GABBR2: variants seen among roughly 807,000 people sequenced by gnomAD.
GABBR2 encodes G-protein coupled receptor 51.
Under a neutral mutation model 105.6 loss-of-function variants are expected in GABBR2, and 23 were observed. The observed-to-expected ratio is 0.22, with a 90% CI of 0.16 to 0.31. The LOEUF (loss-of-function observed/expected upper bound fraction) is 0.31, where lower values mean the gene tolerates loss of function less well. GABBR2 is among the 10% of genes least tolerant of loss of function. GABBR2 has a pLI of 1.00. For synonymous variants in GABBR2, 478 were observed against 499.7 expected, an observed-to-expected ratio of 0.96 and a Z score of 0.58; for missense variants, 734 against 1,245.5, an observed-to-expected ratio of 0.59 and a Z score of 6.18.
rs368734231 is a variant in GABBR2 at position 98,496,440 on chromosome 9, A to G, written c.705T>C (p.Asp235=). The G allele has an allele frequency of 1.2e-6, 2 of 1,611,972 alleles. No individual in the cohort carries two copies. The highest frequency in any genetic ancestry group is 1.7e-6 in the Non-Finnish European group (2 of 1,178,356). ...TCAGCTTTTTGACACTGGTACAGGG[A>G]TCGTTGGAGAAGCTCTCGGTGTCTG... ...EISDTESFSN[D]PCTSVKKLKG... is the part of the protein sequence containing the mutation. The change falls in exon 4 of 19, where the codon GAT becomes GAC. Residue 235 remains aspartate (D), a synonymous_variant. Coordinates refer to ENST00000259455, the MANE Select transcript of GABBR2 (RefSeq NM_005458.8).
At position 98,306,832 on chromosome 9, in the gene GABBR2, C is replaced by G. The variant is rs887069495; in HGVS notation, c.2005-487G>C. ...GAGACTTCTATTGTCCCCAAGCACACACAGACACCCAGAATAGCGACTACA... is the reference window on the plus strand; with the variant it reads ...GAGACTTCTATTGTCCCCAAGCACAGACAGACACCCAGAATAGCGACTACA... On this transcript the variant is annotated intron_variant, in intron 14 of 18. Transcript: ENST00000259455. The surrounding 1 kb of genome is among the most constrained non-coding windows in gnomAD (Gnocchi z 5.4). 1.3e-5 allele frequency among the ~76,000 whole-genome samples: 2 copies of G among 152,200 alleles called. No homozygotes were observed. The highest frequency in any genetic ancestry group is 2.9e-5 in the Non-Finnish European group (2 of 68,040).
At chr9:98,478,626 G>A (rs971044616) in intron 5 of GABBR2, among the ~76,000 whole-genome samples, 31 of 152,160 alleles carry the variant, frequency 2.0e-4, no homozygotes, top group Admixed American at 2.0e-3. Context: ...GACAAGCCAG[G>A]GGGCTTTGGG....
rs144650505 is a variant in GABBR2 at position 98,635,655 on chromosome 9, A to C, written c.322-57583T>G. On this transcript the variant is annotated intron_variant, in intron 1 of 18. Transcript: ENST00000259455. ...TCTGTAGGTTGGGTCTTTAAGTCAG[A>C]TGTGACAATCTGAAAAAAATAGACA... Among the ~76,000 whole-genome samples the C allele has an allele frequency of 2.2e-3, 329 of 152,304 alleles. 1 individual carries two copies. Among genetic ancestry groups the C allele is most frequent in the Non-Finnish European group, 4.0e-3 (274 of 68,020 alleles).
At chr9:98,523,433 T>C (rs988072685) in intron 3 of GABBR2, among the ~76,000 whole-genome samples, 5 of 152,158 alleles carry the variant, frequency 3.3e-5, no homozygotes, top group Non-Finnish European at 7.4e-5. Flanking sequence ...GAGAAGCAAG[T>C]AGACCTCCCC....
At chr9:98,321,641 T>C (rs1439418561) in intron 13 of GABBR2, among the ~76,000 whole-genome samples, 1 of 151,986 alleles carries the variant, frequency 6.6e-6, no homozygotes, top group Non-Finnish European at 1.5e-5. Flanking sequence ...AGGCAGACGA[T>C]GGGGAGAATG....
intron 13 of GABBR2, among the ~76,000 whole-genome samples, chr9:98,357,395 C>T (rs553437185): frequency 9.9e-5 from 15 of 152,272 alleles, no homozygotes; most frequent in African/African-American, 2.4e-4. Flanking sequence ...TTCCTGTCAT[C>T]GCGGCACTTT....
At chr9:98,551,064 C>G (rs1184685128) in intron 2 of GABBR2, among the ~76,000 whole-genome samples, 64 of 152,114 alleles carry the variant, frequency 4.2e-4, no homozygotes, top group Admixed American at 4.2e-3. Context: ...TCTAAGCCAT[C>G]CAAAGGAGAG....
At chr9:98,702,518 G>A (rs985039715) in intron 1 of GABBR2, among the ~76,000 whole-genome samples, 7 of 152,094 alleles carry the variant, frequency 4.6e-5, no homozygotes, top group Admixed American at 1.3e-4. Flanking sequence ...CAAAGACATC[G>A]CACGGCTCCT....
chr9:98,371,796 T>C lies in GABBR2; in HGVS notation c.1663-225A>G, dbSNP rs1831787530. On this transcript the variant is annotated intron_variant, in intron 11 of 18. Coordinates refer to ENST00000259455, the MANE Select transcript of GABBR2 (RefSeq NM_005458.8). ...TCACTAGGCACACAGGAGTGCAATA[T>C]TCAAACCATGCCTTAGATGGGCCTA... 2.0e-5 allele frequency among the ~76,000 whole-genome samples: 3 copies of C among 152,224 alleles called. No individual in the cohort carries two copies. The South Asian group carries it at 6.2e-4, about 31-fold the overall frequency.
chr9:98,576,392 C>T (rs113154248), intron 2 of GABBR2, among the ~76,000 whole-genome samples: 2 of 152,316 alleles, frequency 1.3e-5, no homozygotes, highest in African/African-American at 2.4e-5. Flanking sequence ...CAGTGGTCTC[C>T]TTCTCACCCT....
chr9:98,404,306 T>C (rs1403305195), intron 8 of GABBR2, among the ~76,000 whole-genome samples: 2 of 152,034 alleles, frequency 1.3e-5, no homozygotes, highest in African/African-American at 2.4e-5. Flanking sequence ...TAAAATTACA[T>C]CTTTTGTGCA....
chr9:98,363,352 T>C (rs1170136927), intron 12 of GABBR2, among the ~76,000 whole-genome samples: 2 of 152,342 alleles, frequency 1.3e-5, no homozygotes, highest in Admixed American at 1.3e-4. Context: ...ACACTTACTC[T>C]GTGCCTGCCT....
At chr9:98,570,661 A>G (rs1828817628) in intron 2 of GABBR2, among the ~76,000 whole-genome samples, 1 of 152,188 alleles carries the variant, frequency 6.6e-6, no homozygotes, top group African/African-American at 2.4e-5. Flanking sequence ...GACTGCCCCA[A>G]AAACTGCAAA....
At chr9:98,670,089 G>C (rs755575387) in intron 1 of GABBR2, among the ~76,000 whole-genome samples, 13 of 152,244 alleles carry the variant, frequency 8.5e-5, no homozygotes, top group Non-Finnish European at 1.8e-4. Context: ...GCCAGCCGAA[G>C]GACTGTGGAC....
At chr9:98,391,913 G>T (rs1456813811) in intron 9 of GABBR2, among the ~76,000 whole-genome samples, 1 of 152,142 alleles carries the variant, frequency 6.6e-6, no homozygotes, top group East Asian at 1.9e-4. Context: ...GATTGAGGAG[G>T]GAAGGCTAGC....
At position 98,311,232 on chromosome 9, in the gene GABBR2, G is replaced by A. The variant is rs776402738; in HGVS notation, c.1894-27C>T. 4 of 1,417,766 alleles carry A rather than the reference G, an allele frequency of 2.8e-6. No homozygotes were observed. The African/African-American group carries it at 4.2e-5, about 15-fold the overall frequency. 87.8% of individuals were successfully genotyped at this position (1,417,766 alleles called of 1,614,324 possible). A position where few individuals can be genotyped will look rare whatever the true frequency, so the allele number is the denominator to read the frequency against. The stretch of plus-strand genomic sequence containing the variant: ...TGTGCAAAGAGAAAACAGAGACTCA[G>A]GGATGGCACAGGACACTCTTCCAGC... On this transcript the variant is annotated intron_variant, in intron 13 of 18. Coordinates refer to ENST00000259455, the MANE Select transcript of GABBR2 (RefSeq NM_005458.8).
intron 7 of GABBR2, among the ~76,000 whole-genome samples, chr9:98,448,623 G>T (rs1826178713): frequency 6.6e-6 from 1 of 151,950 alleles, no homozygotes; most frequent in Admixed American, 6.5e-5. Context: ...TCATCATGTT[G>T]CCCAGGCTGG....
At chr9:98,438,185 ATCCATCCATCCATCCATC>A (rs1825964619) in intron 7 of GABBR2, among the ~76,000 whole-genome samples, 1 of 112,268 alleles carries the variant, frequency 8.9e-6, no homozygotes, top group African/African-American at 3.7e-5. Context: ...CCATCCATCC[ATCCATCCATCCATCCATC>A]CATCCATCCA....
intron 4 of GABBR2, among the ~76,000 whole-genome samples, chr9:98,493,800 A>G (rs1827224046): frequency 6.6e-6 from 1 of 152,158 alleles, no homozygotes; most frequent in African/African-American, 2.4e-5. Flanking sequence ...TATTTCATTC[A>G]CACACACTCA....
Sources: gnomAD v4.1 joint callset for allele counts (sites outside exome capture counted in the v4.1 genomes callset) on GRCh38, gnomAD v4.1.1 for gene constraint, Gnocchi (gnomAD v3.1) non-coding constraint, MANE v1.5 for transcripts, NCBI Gene and HGNC (gene_info 2026-07-23, HGNC 2026-07-21) for gene names.